NLGN4X: variants seen among roughly 807,000 people sequenced by gnomAD.
The protein encoded by NLGN4X is neuroligin 4 X-linked, also known as neuroligin-4, X-linked.
A neutral mutation model predicts 40.3 loss-of-function variants in NLGN4X; 3 were observed. That is an observed-to-expected ratio of 0.07 (90% CI 0.03 to 0.19). NLGN4X has a LOEUF of 0.19. Ranked by LOEUF, NLGN4X falls within the 10% of genes least tolerant of loss-of-function variation. The probability of loss-of-function intolerance (pLI) is 1.00; values close to 1 mark genes in which losing one functional copy is unlikely to be tolerated. For missense variants in NLGN4X, 382 were observed against 708.3 expected (o/e 0.54, Z 5.23); for synonymous variants, 270 against 306.8 (o/e 0.88, Z 1.25).
intron 2 of NLGN4X, among the ~76,000 whole-genome samples, chrX:6,128,415 G>A (rs913507391): frequency 8.9e-6 from 1 of 111,946 alleles, no homozygotes; most frequent in African/African-American, 3.2e-5. Flanking sequence ...GAAAATGTTT[G>A]TATATAATAC....
intron 5 of NLGN4X, among the ~76,000 whole-genome samples, chrX:5,899,849 T>C (rs1004114455): frequency 8.9e-5 from 10 of 111,930 alleles, no homozygotes; most frequent in Non-Finnish European, 1.1e-4. Flanking sequence ...ATTCTAGCTT[T>C]CCACTTAAGA....
chrX:6,095,033 G>C (rs1239826607), intron 2 of NLGN4X, among the ~76,000 whole-genome samples: 7 of 109,090 alleles, frequency 6.4e-5, no homozygotes, highest in Non-Finnish European at 1.3e-4. Context: ...TATGAAAAGA[G>C]TTCCATGTGT....
At chrX:5,925,889 T>C (rs1254210876) in intron 3 of NLGN4X, among the ~76,000 whole-genome samples, 161 of 8,890 alleles carry the variant, frequency 0.018, 5 homozygotes, top group Middle Eastern at 0.034. Context: ...CACATATATA[T>C]ATATATATAT....
intron 3 of NLGN4X, among the ~76,000 whole-genome samples, chrX:5,968,457 C>CTCTCTCTGTGTG (rs1192942244): frequency 4.3e-5 from 2 of 47,018 alleles, no homozygotes; most frequent in African/African-American, 1.1e-4. Flanking sequence ...CTCTCTCTCT[C>CTCTCTCTGTGTG]TGTGTGTGTG....
intron 1 of NLGN4X, among the ~76,000 whole-genome samples, chrX:6,202,154 G>A (rs954705189): frequency 9.1e-5 from 10 of 109,837 alleles, no homozygotes; most frequent in Non-Finnish European, 1.9e-5. Context: ...TTTGTTGAGG[G>A]GTCAGCCCTT....
intron 1 of NLGN4X, among the ~76,000 whole-genome samples, chrX:6,160,398 TACTG>T (rs1236957979): frequency 3.6e-4 from 40 of 111,962 alleles, no homozygotes; most frequent in Non-Finnish European, 9.4e-5. Flanking sequence ...AATGAGTATT[TACTG>T]ACTTTTTCCC....
chrX:5,937,147 C>T (rs1475863131), intron 3 of NLGN4X, among the ~76,000 whole-genome samples: 1 of 110,194 alleles, frequency 9.1e-6, no homozygotes, highest in Non-Finnish European at 1.9e-5. Context: ...ATGATCACAG[C>T]TCACTGCAGC....
chrX:6,007,075 T>A (rs1037424495), intron 3 of NLGN4X, among the ~76,000 whole-genome samples: 1 of 111,916 alleles, frequency 8.9e-6, no homozygotes, highest in African/African-American at 3.2e-5. Context: ...TGACTGGATA[T>A]ATAAATGTTT....
chrX:6,050,845 C>G (rs1190395541), intron 2 of NLGN4X, among the ~76,000 whole-genome samples: 1 of 111,206 alleles, frequency 9.0e-6, no homozygotes, highest in Non-Finnish European at 1.9e-5. Flanking sequence ...ATCTGCTTAC[C>G]TATTTATCTC....
chrX:5,926,451 T>C (rs1338870798), intron 3 of NLGN4X, among the ~76,000 whole-genome samples: 1 of 110,843 alleles, frequency 9.0e-6, no homozygotes, highest in African/African-American at 3.3e-5. Context: ...ATCACCAATT[T>C]TTTAGTTACT....
intron 3 of NLGN4X, among the ~76,000 whole-genome samples, chrX:5,909,667 G>A (rs1030762760): frequency 1.8e-5 from 2 of 109,000 alleles, no homozygotes; most frequent in Non-Finnish European, 3.8e-5. Context: ...GGGGGCGTAA[G>A]TGCACATGTG....
chrX:5,949,709 TCA>T (rs1372651504), intron 3 of NLGN4X, among the ~76,000 whole-genome samples: 5 of 112,182 alleles, frequency 4.5e-5, no homozygotes, highest in Non-Finnish European at 9.4e-5. Flanking sequence ...ACGTGAGCCC[TCA>T]GTTACACTTG....
chrX:6,191,821 T>C (rs1406937971), intron 1 of NLGN4X, among the ~76,000 whole-genome samples: 1 of 111,780 alleles, frequency 8.9e-6, no homozygotes, highest in Non-Finnish European at 1.9e-5. Flanking sequence ...ATTCTGCCAC[T>C]GCACTACAGC....
At chrX:6,080,130 GAAC>G (rs1221227131) in intron 2 of NLGN4X, among the ~76,000 whole-genome samples, 4 of 107,333 alleles carry the variant, frequency 3.7e-5, no homozygotes, top group Admixed American at 2.0e-4. Context: ...AAAAAAACCA[GAAC>G]AACAAGCCCA....
intron 1 of NLGN4X, among the ~76,000 whole-genome samples, chrX:6,153,809 T>C (rs940538626): frequency 6.2e-5 from 7 of 112,035 alleles, no homozygotes; most frequent in Non-Finnish European, 1.3e-4. Context: ...AGCTGTATGA[T>C]CAAAACCCTC....
chrX:6,125,129 C>G (rs1475881666), intron 2 of NLGN4X, among the ~76,000 whole-genome samples: 1 of 112,105 alleles, frequency 8.9e-6, no homozygotes, highest in Non-Finnish European at 1.9e-5. Context: ...TCAGATGGGA[C>G]TGAAGAAGTG....
At chrX:5,992,400 G>C (rs766579248) in intron 3 of NLGN4X, among the ~76,000 whole-genome samples, 9 of 111,537 alleles carry the variant, frequency 8.1e-5, no homozygotes, top group African/African-American at 2.9e-4. Context: ...GAGGTCAGGA[G>C]TTTGAGACCA....
chrX:5,911,097 C>T (rs1210149760), intron 3 of NLGN4X, among the ~76,000 whole-genome samples: 1 of 111,721 alleles, frequency 9.0e-6, no homozygotes. Context: ...CCTTATATGA[C>T]AATGACGAAT....
At chrX:5,920,868 C>T (rs931527255) in intron 3 of NLGN4X, among the ~76,000 whole-genome samples, 1 of 110,810 alleles carries the variant, frequency 9.0e-6, no homozygotes, top group East Asian at 2.9e-4. Context: ...GAAGCTCCCT[C>T]TCCCTATGAC....
Sources: allele counts gnomAD v4.1 joint callset (sites outside exome capture counted in the v4.1 genomes callset), GRCh38; gene constraint gnomAD v4.1.1; transcripts MANE v1.5; gene names NCBI Gene and HGNC (gene_info 2026-07-23, HGNC 2026-07-21).